The following TMEM232 variants were observed in gnomAD, a reference collection of about 807,000 sequenced individuals.
TMEM232 encodes transmembrane protein 232.
In TMEM232, 80 loss-of-function variants were observed where a neutral mutation model predicts 78.8. The ratio of observed to expected loss-of-function variants is 1.01; its 90% CI spans 0.85 to 1.22. The LOEUF (loss-of-function observed/expected upper bound fraction) is 1.22. TMEM232 is among the 50% of genes most tolerant of loss of function. The pLI is 0.00. For synonymous variants in TMEM232, 297 were observed against 254.3 expected (o/e 1.17, Z -1.60); for missense variants, 881 against 742.2 (o/e 1.19, Z -2.17).
chr5:110,584,020 A>G (rs1320074893), intron 10 of TMEM232, among the ~76,000 whole-genome samples: 1 of 151,590 alleles, frequency 6.6e-6, no homozygotes, highest in African/African-American at 2.4e-5. Context: ...GTTGTGAGGA[A>G]ATTGGAATCC....
At position 110,643,685 on chromosome 5, in the gene TMEM232, A is replaced by G. The variant is rs116696067; in HGVS notation, c.126-1314T>C. Among the ~76,000 whole-genome samples the G allele has an allele frequency of 6.6e-3, 1,002 of 152,146 alleles. 16 individuals are homozygous for G. The highest frequency in any genetic ancestry group is 0.023 in the African/African-American group (975 of 41,538). On this transcript the variant is annotated intron_variant, in intron 2 of 13. Coordinates refer to ENST00000455884, the MANE Select transcript of TMEM232 (RefSeq NM_001039763.4). ...ACATTTTAAATTACTGTATTTACTG[A>G]AATAGAATTTACTGAATTTGTTGCT... is the stretch of plus-strand genomic sequence containing the variant.
At chr5:110,624,293 C>T (rs530958680) in intron 7 of TMEM232, among the ~76,000 whole-genome samples, 1 of 152,086 alleles carries the variant, frequency 6.6e-6, no homozygotes, top group South Asian at 2.1e-4. Flanking sequence ...TTTTATAAAG[C>T]ACATGCTGGT....
chr5:110,528,942 A>G, intron 11 of TMEM232, 107 bp from the exon 12 acceptor site: 4 of 1,036,124 alleles, frequency 3.9e-6, no homozygotes, highest in Non-Finnish European at 4.9e-6. Context: ...TTTGACTAAT[A>G]TTGCATTTTT....
chr5:110,660,855 T>C (rs766409943), intron 2 of TMEM232, among the ~76,000 whole-genome samples: 6 of 152,194 alleles, frequency 3.9e-5, no homozygotes, highest in East Asian at 3.8e-4. Flanking sequence ...GCAATACCAC[T>C]CTTTCAGTAA....
At chr5:110,507,346 T>C (rs1767029229) in intron 12 of TMEM232, among the ~76,000 whole-genome samples, 1 of 152,134 alleles carries the variant, frequency 6.6e-6, no homozygotes, top group Non-Finnish European at 1.5e-5. Flanking sequence ...TGACAGCAAG[T>C]GCTACATGAT....
chr5:110,737,668 C>A (rs978369938), intron 1 of TMEM232, among the ~76,000 whole-genome samples: 1 of 152,120 alleles, frequency 6.6e-6, no homozygotes, highest in Non-Finnish European at 1.5e-5. Context: ...TGAATTGCCT[C>A]TACATGTCCT....
At position 110,557,599 on chromosome 5, in the gene TMEM232, C is replaced by A. The variant is rs538545066; in HGVS notation, c.1455+10848G>T. ...TGGGAGGCTTCAGGCAATTCACAAT[C>A]ATGGTGGAAGGGAAAGGGGAAGCAG... On this transcript the variant is annotated intron_variant, in intron 11 of 13. Transcript: ENST00000455884. Among the ~76,000 whole-genome samples, 5 of 152,234 alleles carry A rather than the reference C, an allele frequency of 3.3e-5. No individual in the cohort carries two copies. The East Asian group carries it at 9.7e-4, about 29-fold the overall frequency.
intron 12 of TMEM232, among the ~76,000 whole-genome samples, chr5:110,504,798 T>C (rs1766677108): frequency 6.6e-6 from 1 of 152,244 alleles, no homozygotes. Context: ...CTCAGTCTAC[T>C]AATTCAAATG....
At chr5:110,710,742 G>A (rs193113177) in intron 1 of TMEM232, among the ~76,000 whole-genome samples, 6 of 152,042 alleles carry the variant, frequency 3.9e-5, no homozygotes, top group African/African-American at 1.2e-4. Context: ...TGAAAAAACT[G>A]GGTATAGAAG....
chr5:110,678,686 G>C (rs684445), intron 1 of TMEM232, among the ~76,000 whole-genome samples: 147,992 of 151,938 alleles, frequency 0.97, 72,167 homozygotes, highest in Non-Finnish European at 1. Context: ...ATCAGCCCCA[G>C]CACCCCGACC....
chr5:110,715,772 T>C (rs1243431258), intron 1 of TMEM232, among the ~76,000 whole-genome samples: 2 of 152,084 alleles, frequency 1.3e-5, no homozygotes, highest in Admixed American at 1.3e-4. Flanking sequence ...CTCCTCCCTT[T>C]TGGAATGCAG....
chr5:110,554,669 C>CTATGGAAGGAGG (rs1554107041), intron 11 of TMEM232, among the ~76,000 whole-genome samples: 1 of 151,926 alleles, frequency 6.6e-6, no homozygotes, highest in African/African-American at 2.4e-5. Context: ...TGGCCTCATT[C>CTATGGAAGGAGG]TATGGAATGA....
Position 110,605,347 on chromosome 5 carries a change from G to A in TMEM232, c.1038C>T (p.Cys346=). ...IMSVQNQEES[C]KVDDFSWAWN... ...AGGCCCAGGAAAAATCATCTACCTT[G>A]CAACTTTCTTCCTGAAATGAGAAAA... Residue 346 remains cysteine, a synonymous_variant, in exon 10 of 14, where the codon TGC becomes TGT. Coordinates refer to ENST00000455884, the MANE Select transcript of TMEM232 (RefSeq NM_001039763.4). 6.5e-7 allele frequency: 1 copy of A among 1,539,318 alleles called. No individual in the cohort carries two copies. Among genetic ancestry groups the A allele is most frequent in the Non-Finnish European group, 8.8e-7 (1 of 1,141,220 alleles).
intron 6 of TMEM232, 75 bp downstream of exon 6, chr5:110,627,706 C>T: frequency 9.5e-7 from 1 of 1,050,482 alleles, no homozygotes; most frequent in Admixed American, 3.4e-5. Flanking sequence ...AGCTTACGTT[C>T]TTTATAGTGA....
In TMEM232 at chr5:110,420,399, T is replaced by G. The variant is rs1158898377; in HGVS notation, c.*181A>C. ...GTGTGATTAAAAGTTGGTCATTAAT[T>G]TAGAACTAAGAAATAACTATTAAAC... On this transcript the variant is annotated 3_prime_UTR_variant, in exon 14 of 14. Coordinates refer to ENST00000455884, the MANE Select transcript of TMEM232 (RefSeq NM_001039763.4). 4 of 468,980 alleles carry G rather than the reference T, an allele frequency of 8.5e-6. No homozygotes were observed. Among genetic ancestry groups the G allele is most frequent in the Non-Finnish European group, 1.1e-5 (3 of 276,172 alleles). The allele number at this position is 468,980 out of a possible 1,614,324, so 29.1% of individuals were successfully genotyped here. A position where few individuals can be genotyped will look rare whatever the true frequency, so the allele number is the denominator to read the frequency against.
intron 2 of TMEM232, among the ~76,000 whole-genome samples, chr5:110,399,366 C>T (rs1755507507): frequency 6.6e-6 from 1 of 152,030 alleles, no homozygotes; most frequent in Admixed American, 6.6e-5. Flanking sequence ...TAACTCTCCT[C>T]CGAAGTTTTT....
rs191895185 is a variant in TMEM232 at position 110,503,822 on chromosome 5, G to A, written c.1703+24766C>T. On this transcript the variant is annotated intron_variant, in intron 12 of 13. Coordinates refer to ENST00000455884, the MANE Select transcript of TMEM232 (RefSeq NM_001039763.4). ...CTGCTTTAAAAACACTAATTTGAGT[G>A]GTTATGAAATGACTGTGCATAAAAT... Among the ~76,000 whole-genome samples the A allele has an allele frequency of 4.5e-3, 678 of 152,286 alleles. 1 individual carries two copies. The highest frequency in any genetic ancestry group is 8.0e-3 in the Non-Finnish European group (542 of 68,030).
At chr5:110,715,794 C>A (rs1796948828) in intron 1 of TMEM232, among the ~76,000 whole-genome samples, 1 of 152,022 alleles carries the variant, frequency 6.6e-6, no homozygotes, top group Admixed American at 6.6e-5. Flanking sequence ...GAAAGCTGGC[C>A]AGCATTTAAC....
intron 5 of TMEM232, among the ~76,000 whole-genome samples, chr5:110,631,594 T>C (rs919707948): frequency 2.0e-5 from 3 of 152,162 alleles, no homozygotes; most frequent in African/African-American, 7.2e-5. Context: ...AGATGGCACC[T>C]TGTCTGGGCC....
Sources: gnomAD v4.1 joint callset for allele counts (sites outside exome capture counted in the v4.1 genomes callset) on GRCh38, gnomAD v4.1.1 for gene constraint, MANE v1.5 for transcripts, NCBI Gene and HGNC (gene_info 2026-07-23, HGNC 2026-07-21) for gene names.